The following EIF2AK4 variants were observed in gnomAD, a reference collection of about 807,000 sequenced individuals.
The protein encoded by EIF2AK4 is eIF-2-alpha kinase GCN2.
Under a neutral mutation model 211.1 loss-of-function variants are expected in EIF2AK4, and 139 were observed. That is an observed-to-expected ratio of 0.66 (90% CI 0.57 to 0.76). The LOEUF is 0.76. Ranked by LOEUF, EIF2AK4 falls within the 30% of genes least tolerant of loss-of-function variation. EIF2AK4 has a pLI of 0.00. For synonymous variants in EIF2AK4, 710 were observed against 751.3 expected (o/e 0.94, Z 0.90); for missense variants, 1,664 against 2,043.8 (o/e 0.81, Z 3.58).
chr15:40,019,240 C>T, intron 30 of EIF2AK4, 40 bp downstream of exon 30: 2 of 1,433,850 alleles, frequency 1.4e-6, no homozygotes, highest in Non-Finnish European at 1.9e-6. Context: ...TTCGAGGTGT[C>T]TTTCATTTCT....
At chr15:39,993,114 A>G (rs1465303201) in intron 18 of EIF2AK4, among the ~76,000 whole-genome samples, 1 of 138,518 alleles carries the variant, frequency 7.2e-6, no homozygotes, top group African/African-American at 2.6e-5. Flanking sequence ...CCACCCACCC[A>G]TCCACCCATC....
intron 1 of EIF2AK4, among the ~76,000 whole-genome samples, chr15:39,935,063 A>C (rs559169384): frequency 6.6e-6 from 1 of 152,322 alleles, no homozygotes; most frequent in East Asian, 1.9e-4. Flanking sequence ...AAATTCGCAA[A>C]AAAACCTCAA....
intron 19 of EIF2AK4, among the ~76,000 whole-genome samples, 156 bp downstream of exon 19, chr15:39,997,221 A>G (rs1369649583): frequency 6.6e-6 from 1 of 152,234 alleles, no homozygotes; most frequent in East Asian, 1.9e-4. Flanking sequence ...ATGCAAGACT[A>G]ACCAGTTTTC....
intron 8 of EIF2AK4, among the ~76,000 whole-genome samples, chr15:39,966,627 T>C (rs2034548158): frequency 6.6e-6 from 1 of 152,310 alleles, no homozygotes; most frequent in South Asian, 2.1e-4. Flanking sequence ...GTATTGCATA[T>C]TGCAGTGTTA....
At chr15:39,993,820 T>C (rs571872074) in intron 18 of EIF2AK4, among the ~76,000 whole-genome samples, 2 of 152,350 alleles carry the variant, frequency 1.3e-5, no homozygotes, top group Admixed American at 1.3e-4. Context: ...CTGCAGGAAG[T>C]CCTGGTAAGG....
chr15:39,944,449 T>TTTTTTTTG (rs1595541563), intron 3 of EIF2AK4, among the ~76,000 whole-genome samples: 2 of 150,396 alleles, frequency 1.3e-5, no homozygotes, highest in African/African-American at 2.5e-5. Flanking sequence ...TTTTTTTTTT[T>TTTTTTTTG]GAGGCGGAGT....
At chr15:39,958,179 C>G (rs1197408114) in intron 6 of EIF2AK4, among the ~76,000 whole-genome samples, 2 of 152,202 alleles carry the variant, frequency 1.3e-5, no homozygotes, top group Non-Finnish European at 2.9e-5. Context: ...TGCCTTGTTT[C>G]TGGGATGTTG....
rs1326345689 is a variant in EIF2AK4, at chr15:39,949,148, G to C, written c.393G>C (p.Gln131His). The change falls in exon 4 of 39, where the codon CAG becomes CAC. Residue 131 changes from glutamine to histidine, a missense_variant. Gln to His is a conservative substitution (Grantham distance 24). This residue lies in a region of EIF2AK4 where 641 missense variants were observed against 729.6 expected (regional missense o/e 0.88). Transcript: ENST00000263791. ...VMIFELAYHV[Q>H]SFLSEHNKPP... ...TCTTTGAACTGGCTTACCACGTGCA[G>C]TCATTTCTCAGCGAGCATAACAAGC... is the stretch of plus-strand genomic sequence containing the variant. 6.2e-7 allele frequency: 1 copy of C among 1,613,934 alleles called. No homozygotes were observed. The highest frequency in any genetic ancestry group is 1.3e-5 in the African/African-American group (1 of 74,888).
chr15:39,950,980 T>C (rs374556443), intron 4 of EIF2AK4, among the ~76,000 whole-genome samples: 3 of 152,230 alleles, frequency 2.0e-5, no homozygotes, highest in African/African-American at 7.2e-5. Context: ...CCCCCCCATT[T>C]ATATTAAAAA....
At chr15:39,944,680 G>A (rs1027837800) in intron 3 of EIF2AK4, among the ~76,000 whole-genome samples, 7 of 152,000 alleles carry the variant, frequency 4.6e-5, no homozygotes, top group African/African-American at 1.7e-4. Flanking sequence ...TGGTCCACCC[G>A]CCTCGGCCTC....
chr15:39,938,705 G>A (rs1020974636), intron 1 of EIF2AK4, among the ~76,000 whole-genome samples: 1 of 152,138 alleles, frequency 6.6e-6, no homozygotes, highest in African/African-American at 2.4e-5. Flanking sequence ...CTCTGTCCCT[G>A]TGTATCTGTA....
chr15:39,980,905 G>C (rs1009877658), intron 13 of EIF2AK4, among the ~76,000 whole-genome samples: 3 of 152,008 alleles, frequency 2.0e-5, no homozygotes, highest in Admixed American at 2.0e-4. Flanking sequence ...CAGTTACAAG[G>C]GTTCATTCAT....
At chr15:39,992,325 C>T (rs927811684) in intron 17 of EIF2AK4, 96 bp downstream of exon 17, 51 of 1,024,404 alleles carry the variant, frequency 5.0e-5, no homozygotes, top group African/African-American at 2.1e-4. Flanking sequence ...TTTTATTCTA[C>T]GGCAGATTTT....
chr15:40,017,163 T>C lies in EIF2AK4; in HGVS notation c.3986T>C (p.Phe1329Ser). Residue 1329 changes from phenylalanine (F) to serine (S), a missense_variant, in exon 29 of 39, where the codon TTC becomes TCC. Coordinates refer to ENST00000263791, the MANE Select transcript of EIF2AK4 (RefSeq NM_001013703.4). ...YKVQQHNGIIFQFVAFIKRRQ... is the reference protein window; with the variant it reads ...YKVQQHNGIISQFVAFIKRRQ... Reference sequence around the variant, plus strand: ...GTGCAGCAGCACAATGGAATCATCTTCCAGTTTGTGGCTTTCATCAAACGA... The same window carrying C: ...GTGCAGCAGCACAATGGAATCATCTCCCAGTTTGTGGCTTTCATCAAACGA... The C allele has an allele frequency of 1.9e-6, 3 of 1,614,050 alleles. No individual in the cohort carries two copies. Among genetic ancestry groups the C allele is most frequent in the Non-Finnish European group, 1.7e-6 (2 of 1,179,922 alleles).
chr15:40,009,493 A>C (rs1410815770), intron 25 of EIF2AK4, 121 bp from the exon 26 acceptor site: 9 of 624,420 alleles, frequency 1.4e-5, no homozygotes, highest in South Asian at 1.0e-4. Context: ...CTAGGAAGCC[A>C]TATGCTAAAT....
In EIF2AK4 at chr15:40,022,565, A is replaced by G; in HGVS notation, c.4349A>G (p.Tyr1450Cys). 6 of 1,614,192 alleles carry G rather than the reference A, an allele frequency of 3.7e-6. No individual in the cohort carries two copies. The highest frequency in any genetic ancestry group is 5.1e-6 in the Non-Finnish European group (6 of 1,180,036). The change falls in exon 32 of 39, where the codon TAT becomes TGT. Residue 1450 changes from tyrosine to cysteine, a missense_variant. Transcript: ENST00000263791. ...QEYCRHHEIT[Y>C]VALVSDKEGS... is the part of the protein sequence containing the mutation. Reference sequence around the variant, plus strand: ...TACTGCAGACATCATGAAATCACCTATGTGGCCCTTGTCTCGGATAAAGAA... The same window carrying G: ...TACTGCAGACATCATGAAATCACCTGTGTGGCCCTTGTCTCGGATAAAGAA...
intron 5 of EIF2AK4, among the ~76,000 whole-genome samples, chr15:39,954,822 A>G (rs2034367562): frequency 6.6e-6 from 1 of 152,242 alleles, no homozygotes; most frequent in African/African-American, 2.4e-5. Flanking sequence ...ATTAAACTTA[A>G]GGGACATGAT....
intron 8 of EIF2AK4, among the ~76,000 whole-genome samples, chr15:39,967,060 A>G (rs886550248): frequency 2.0e-5 from 3 of 152,216 alleles, no homozygotes; most frequent in Non-Finnish European, 2.9e-5. Context: ...ATTTTGTAGT[A>G]TATGCATAGT....
Position 40,011,382 on chromosome 15 carries a change from C to T in EIF2AK4, c.3759+36C>T, listed in dbSNP as rs142749091. 3.2e-6 allele frequency: 5 copies of T among 1,558,888 alleles called. No individual in the cohort carries two copies. In the South Asian group the frequency reaches 5.8e-5, roughly 18 times the overall value. On this transcript the variant is annotated intron_variant, in intron 27 of 38. Coordinates refer to ENST00000263791, the MANE Select transcript of EIF2AK4 (RefSeq NM_001013703.4). ...TCTAATGGTATTATTACAGCTTTCT[C>T]TGTAATTTTGTGATACCAGAAAATG...
Sources: allele counts gnomAD v4.1 joint callset (sites outside exome capture counted in the v4.1 genomes callset), GRCh38; gene constraint gnomAD v4.1.1; regional missense constraint gnomAD v4.1.1; transcripts MANE v1.5; gene names NCBI Gene and HGNC (gene_info 2026-07-23, HGNC 2026-07-21).